UGT3A1: variants seen among roughly 807,000 people sequenced by gnomAD.
The protein encoded by UGT3A1 is UDP-glycosyltransferase 3A1.
Under a neutral mutation model 37.6 loss-of-function variants are expected in UGT3A1, and 40 were observed. The observed-to-expected ratio is 1.06, with a 90% CI of 0.83 to 1.38. UGT3A1 has a LOEUF of 1.38. UGT3A1 is among the 40% of genes most tolerant of loss of function. The pLI is 0.00. For missense variants in UGT3A1, 642 were observed against 634.2 expected (o/e 1.01, Z -0.13); for synonymous variants, 256 against 232.3 (o/e 1.10, Z -0.93).
upstream of UGT3A1, chr5:35,991,681 C>G (rs1306468083): frequency 3.1e-6 from 3 of 983,420 alleles, no homozygotes; most frequent in Non-Finnish European, 3.6e-6. Context: ...CCAGCTGCCT[C>G]TATTACCTCA....
chr5:35,990,341 T>C (rs1200769187), intron 1 of UGT3A1, among the ~76,000 whole-genome samples: 1 of 152,088 alleles, frequency 6.6e-6, no homozygotes, highest in Admixed American at 6.5e-5. Context: ...CTCCGTGATC[T>C]AAAAGGAATC....
chr5:35,954,734 C>A, intron 6 of UGT3A1: 1 of 525,562 alleles, frequency 1.9e-6, no homozygotes, highest in Non-Finnish European at 3.4e-6. Context: ...GTGATTAAAT[C>A]TCTAAGAACT....
At chr5:35,971,035 A>T (rs1255459532) in intron 2 of UGT3A1, among the ~76,000 whole-genome samples, 1 of 152,234 alleles carries the variant, frequency 6.6e-6, no homozygotes, top group Non-Finnish European at 1.5e-5. Flanking sequence ...ATAGGATCTC[A>T]GTCAGTTTCC....
intron 5 of UGT3A1, 71 bp downstream of exon 5, chr5:35,957,117 G>T: frequency 1.5e-6 from 2 of 1,319,880 alleles, no homozygotes; most frequent in South Asian, 1.3e-5. Context: ...TGCCCAGCTA[G>T]AGGTCAGAAC....
intron 2 of UGT3A1, among the ~76,000 whole-genome samples, chr5:35,980,962 C>T (rs1740498144): frequency 3.3e-5 from 5 of 152,132 alleles, no homozygotes; most frequent in Admixed American, 3.3e-4. Context: ...TGCTCTCCTA[C>T]CTAGTTACTA....
chr5:35,968,045 G>A lies in UGT3A1; in HGVS notation c.285C>T (p.Ser95=). The change falls in exon 3 of 7, where the codon AGC becomes AGT. Residue 95 remains serine, a synonymous_variant. Transcript: ENST00000274278. Reference sequence around the variant, plus strand: ...TGCCATCCAATGCTGTTTCTATGTAGCTATCAAAATGCTTCTTAATTCTTT... The same window carrying A: ...TGCCATCCAATGCTGTTTCTATGTAACTATCAAAATGCTTCTTAATTCTTT... ...HQKRIKKHFD[S]YIETALDGRK... 1 of 1,612,510 alleles carries A rather than the reference G, an allele frequency of 6.2e-7. No homozygotes were observed. The highest frequency in any genetic ancestry group is 8.5e-7 in the Non-Finnish European group (1 of 1,179,608).
At chr5:35,986,368 A>T (rs1216452294) in intron 2 of UGT3A1, among the ~76,000 whole-genome samples, 4 of 152,172 alleles carry the variant, frequency 2.6e-5, no homozygotes, top group Non-Finnish European at 5.9e-5. Flanking sequence ...AGATAGCTTC[A>T]TTCCCATGTT....
At chr5:35,979,999 T>C (rs1241174620) in intron 2 of UGT3A1, among the ~76,000 whole-genome samples, 1 of 152,220 alleles carries the variant, frequency 6.6e-6, no homozygotes, top group Non-Finnish European at 1.5e-5. Flanking sequence ...CCTGTCCTCA[T>C]GATTTAATTA....
At chr5:35,986,838 T>C (rs1423089368) in intron 2 of UGT3A1, among the ~76,000 whole-genome samples, 1 of 152,136 alleles carries the variant, frequency 6.6e-6, no homozygotes, top group South Asian at 2.1e-4. Context: ...TGAATGTTTC[T>C]AGAATAAAGA....
intron 3 of UGT3A1, among the ~76,000 whole-genome samples, chr5:35,966,381 C>T (rs1431374367): frequency 1.3e-5 from 2 of 152,244 alleles, no homozygotes; most frequent in East Asian, 3.9e-4. Flanking sequence ...GTGTATCTTG[C>T]ATTTGACAGA....
chr5:35,975,028 A>G (rs1028774075), intron 2 of UGT3A1, among the ~76,000 whole-genome samples: 3 of 152,350 alleles, frequency 2.0e-5, no homozygotes, highest in African/African-American at 7.2e-5. Context: ...TGGGCAAAAC[A>G]TAAATATATT....
At chr5:35,993,590 C>A (rs2111573322), upstream of UGT3A1, among the ~76,000 whole-genome samples, 1 of 152,264 alleles carries the variant, frequency 6.6e-6, no homozygotes, top group African/African-American at 2.4e-5. Context: ...ATTTAGAACC[C>A]TCAAAGTCAT....
intron 1 of UGT3A1, among the ~76,000 whole-genome samples, chr5:35,999,168 C>T (rs371104741): frequency 7.0e-6 from 1 of 142,290 alleles, no homozygotes; most frequent in Non-Finnish European, 1.5e-5. Flanking sequence ...ATCCAGGAGG[C>T]GGAGCTTGCA....
intron 2 of UGT3A1, among the ~76,000 whole-genome samples, chr5:35,971,260 T>C (rs1214260253): frequency 6.6e-6 from 1 of 152,086 alleles, no homozygotes; most frequent in Non-Finnish European, 1.5e-5. Flanking sequence ...AGACATATTA[T>C]ATATACAAAG....
At chr5:35,971,068 A>G (rs943546689) in intron 2 of UGT3A1, among the ~76,000 whole-genome samples, 1 of 152,162 alleles carries the variant, frequency 6.6e-6, no homozygotes, top group Non-Finnish European at 1.5e-5. Flanking sequence ...AAGGCCATAA[A>G]TCACCTGTAA....
chr5:35,981,228 C>T (rs1022156490), intron 2 of UGT3A1, among the ~76,000 whole-genome samples: 1 of 152,180 alleles, frequency 6.6e-6, no homozygotes, highest in Non-Finnish European at 1.5e-5. Context: ...ATCAAGCTAG[C>T]TTCACTCTGC....
At chr5:35,977,536 T>C (rs1101223) in intron 2 of UGT3A1, among the ~76,000 whole-genome samples, 149,567 of 152,182 alleles carry the variant, frequency 0.98, 73,522 homozygotes, top group African/African-American at 1. Context: ...AGCTTAGCAC[T>C]TCCACCCACT....
rs1297025092 is a variant in UGT3A1, at chr5:35,965,736, T to A, written c.493A>T (p.Ile165Phe). The change falls in exon 4 of 7, where the codon ATT (isoleucine) becomes TTT (phenylalanine). Residue 165 changes from isoleucine (I) to phenylalanine (F), a missense_variant. Physicochemically the swap from Ile to Phe is conservative, Grantham distance 21. Coordinates refer to ENST00000274278, the MANE Select transcript of UGT3A1 (RefSeq NM_152404.4). ...AEKLVKPFVA[I>F]LPTTFGSLDF... ...AAAGAGCCGAATGTGGTGGGAAGAA[T>A]GGCCACAAATGGTTTCACAAGCTTC... is the stretch of plus-strand genomic sequence containing the variant. 1.2e-6 allele frequency: 2 copies of A among 1,614,054 alleles called. No individual in the cohort carries two copies. Among genetic ancestry groups the A allele is most frequent in the African/African-American group, 1.3e-5 (1 of 74,922 alleles).
chr5:36,000,032 T>C (rs898765885), intron 1 of UGT3A1, among the ~76,000 whole-genome samples: 7 of 152,202 alleles, frequency 4.6e-5, no homozygotes, highest in African/African-American at 1.7e-4. Flanking sequence ...TCAGCCCATA[T>C]GTTAACATTT....
Sources: gnomAD v4.1 joint callset for allele counts (sites outside exome capture counted in the v4.1 genomes callset) on GRCh38, gnomAD v4.1.1 for gene constraint, MANE v1.5 for transcripts, NCBI Gene and HGNC (gene_info 2026-07-23, HGNC 2026-07-21) for gene names.